SLC22A9: variants seen among roughly 807,000 people sequenced by gnomAD.
SLC22A9 encodes solute carrier family 22 member 9.
Under a neutral mutation model 50.1 loss-of-function variants are expected in SLC22A9, and 64 were observed. The observed-to-expected ratio is 1.28, with a 90% CI of 1.04 to 1.57. SLC22A9 has a LOEUF of 1.57. Ranked by LOEUF, SLC22A9 falls within the 40% of genes most tolerant of loss-of-function variation. The pLI is 0.00. For missense variants in SLC22A9, 757 were observed against 676.1 expected, an observed-to-expected ratio of 1.12 and a Z score of -1.33; for synonymous variants, 261 against 242.5, an observed-to-expected ratio of 1.08 and a Z score of -0.71.
intron 5 of SLC22A9, 81 bp downstream of exon 5, chr11:63,375,849 G>A: frequency 6.6e-7 from 1 of 1,522,684 alleles, no homozygotes; most frequent in African/African-American, 1.4e-5. Context: ...GTGTCCATAA[G>A]GTAAAAAAAG....
rs1565191921 is a variant in SLC22A9 at position 63,409,953 on chromosome 11, T to C, written c.*91T>C. On this transcript the variant is annotated 3_prime_UTR_variant, in exon 10 of 10. Transcript: ENST00000279178. ...ACACTAGCAAAATCTAGAAAATAAA[T>C]AACAAGGCTGGGTGCGGTGGCTCAC... 5 of 1,464,202 alleles carry C rather than the reference T, an allele frequency of 3.4e-6. No homozygotes were observed. Among genetic ancestry groups the C allele is most frequent in the African/African-American group, 2.8e-5 (2 of 71,190 alleles). The allele number at this position is 1,464,202 out of a possible 1,614,324, so 90.7% of individuals were successfully genotyped here. A position where few individuals can be genotyped will look rare whatever the true frequency, so the allele number is the denominator to read the frequency against.
At chr11:63,374,274 A>C (rs545296941) in intron 4 of SLC22A9, among the ~76,000 whole-genome samples, 1 of 152,270 alleles carries the variant, frequency 6.6e-6, no homozygotes, top group Admixed American at 6.5e-5. Context: ...AAGGTAACCA[A>C]CAAATATTTC....
chr11:63,406,512 G>C lies in SLC22A9; in HGVS notation c.1089G>C (p.Met363Ile), dbSNP rs760693645. Residue 363 changes from methionine to isoleucine, a missense_variant, in exon 7 of 10, where the codon ATG becomes ATC. Met to Ile is a conservative substitution (Grantham distance 10, BLOSUM62 1). Coordinates refer to ENST00000279178, the MANE Select transcript of SLC22A9 (RefSeq NM_080866.3). Reference sequence around the variant, plus strand: ...ATCATCACAGATTTGCAAACTTTATGGCCTATTTTGGCCTTAATCTCCATG... The same window carrying C: ...ATCATCACAGATTTGCAAACTTTATCGCCTATTTTGGCCTTAATCTCCATG... ...LLSFTRFANF[M>I]AYFGLNLHVQ... 1.9e-6 allele frequency: 3 copies of C among 1,613,302 alleles called. No homozygotes were observed. The East Asian group carries it at 6.7e-5, about 36-fold the overall frequency.
At chr11:63,376,947 G>A (rs1210673284) in intron 5 of SLC22A9, among the ~76,000 whole-genome samples, 3 of 151,890 alleles carry the variant, frequency 2.0e-5, no homozygotes, top group Non-Finnish European at 4.4e-5. Context: ...GATCAAAAAA[G>A]GCAAAAGGAG....
At chr11:63,399,283 C>T (rs1162040076) in intron 6 of SLC22A9, among the ~76,000 whole-genome samples, 1 of 152,070 alleles carries the variant, frequency 6.6e-6, no homozygotes, top group Non-Finnish European at 1.5e-5. Flanking sequence ...AAACAAGGCC[C>T]AACTCTAAGT....
At chr11:63,385,146 A>T (rs1182730616) in intron 6 of SLC22A9, among the ~76,000 whole-genome samples, 6 of 59,740 alleles carry the variant, frequency 1.0e-4, no homozygotes, top group South Asian at 4.9e-4. Context: ...GAAGCTCTTT[A>T]GTTTAATTAG....
chr11:63,385,114 T>TTTG (rs1555014161), intron 6 of SLC22A9, among the ~76,000 whole-genome samples: 4 of 139,490 alleles, frequency 2.9e-5, no homozygotes, highest in South Asian at 2.2e-4. Context: ...CAGTTTTTTT[T>TTTG]TTTTTTTTTT....
In SLC22A9 at chr11:63,373,957, G is replaced by A. The variant is rs1386117549; in HGVS notation, c.725G>A (p.Gly242Asp). The change falls in exon 4 of 10, where the codon GGT (glycine) becomes GAT (aspartate). Residue 242 changes from glycine (G) to aspartate (D), a missense_variant. Physicochemically the swap from Gly to Asp is moderately conservative, Grantham distance 94. Transcript: ENST00000279178. Reference sequence around the variant, plus strand: ...ATTACATTGGGAATGTGCCCTTCTGGTATTGCATTTATGACCCTGGCAGGC... The same window carrying A: ...ATTACATTGGGAATGTGCCCTTCTGATATTGCATTTATGACCCTGGCAGGC... ...MGITLGMCPSGIAFMTLAGLA... is the reference protein window; with the variant it reads ...MGITLGMCPSDIAFMTLAGLA... 6.2e-7 allele frequency: 1 copy of A among 1,613,468 alleles called. No homozygotes were observed. Among genetic ancestry groups the A allele is most frequent in the Non-Finnish European group, 8.5e-7 (1 of 1,179,754 alleles).
chr11:63,370,499 G>A, intron 1 of SLC22A9, 41 bp downstream of exon 1: 1 of 1,521,088 alleles, frequency 6.6e-7, no homozygotes, highest in Non-Finnish European at 8.8e-7. Context: ...TGTGACCTGG[G>A]TGTTTAGAAT....
At chr11:63,376,754 CAA>C (rs1172015586) in intron 5 of SLC22A9, among the ~76,000 whole-genome samples, 1 of 150,746 alleles carries the variant, frequency 6.6e-6, no homozygotes, top group Non-Finnish European at 1.5e-5. Context: ...CACAGAGTGA[CAA>C]GTTGGATTAA....
chr11:63,391,261 C>T (rs779757907), intron 6 of SLC22A9, among the ~76,000 whole-genome samples: 3 of 151,848 alleles, frequency 2.0e-5, no homozygotes, highest in Admixed American at 6.6e-5. Context: ...TTAAGAAATA[C>T]CCATGAGCTG....
intron 5 of SLC22A9, among the ~76,000 whole-genome samples, chr11:63,376,804 G>C (rs2014468262): frequency 6.6e-6 from 1 of 151,046 alleles, no homozygotes; most frequent in Non-Finnish European, 1.5e-5. Context: ...GACTTCCAGA[G>C]ACACTCACAT....
intron 1 of SLC22A9, 21 bp from the exon 2 acceptor site, chr11:63,371,114 G>T: frequency 6.4e-7 from 1 of 1,572,504 alleles, no homozygotes; most frequent in Non-Finnish European, 8.7e-7. Context: ...GCATTGATGT[G>T]CTGGCTTCCT....
intron 6 of SLC22A9, among the ~76,000 whole-genome samples, chr11:63,403,567 T>C (rs1004166951): frequency 1.3e-5 from 2 of 152,074 alleles, no homozygotes; most frequent in African/African-American, 4.8e-5. Flanking sequence ...AAAAGTCCAG[T>C]ATTAATATTA....
chr11:63,408,960 C>G, intron 9 of SLC22A9, 81 bp downstream of exon 9: 1 of 1,415,230 alleles, frequency 7.1e-7, no homozygotes, highest in African/African-American at 1.4e-5. Flanking sequence ...CCATTTAGGG[C>G]CACTGTCCTC....
intron 6 of SLC22A9, among the ~76,000 whole-genome samples, chr11:63,391,576 C>G (rs2014764801): frequency 6.6e-6 from 1 of 151,982 alleles, no homozygotes; most frequent in Non-Finnish European, 1.5e-5. Context: ...TTCTTTGTCT[C>G]TTTTTAGACT....
rs2015123642 is a variant in SLC22A9, at chr11:63,410,286, G to GAAAGAAAGAAAGAA, written c.*427_*428insGAAAGAAAGAAAAA. ...GAAAGAAGGAAAGAAAGAAAGAAAA[G>GAAAGAAAGAAAGAA]AAAAGAAATAACAAGATATAGTGAG... On this transcript the variant is annotated 3_prime_UTR_variant, in exon 10 of 10. Transcript: ENST00000279178. 1 of 90,038 alleles carries GAAAGAAAGAAAGAA rather than the reference G, an allele frequency of 1.1e-5. No individual in the cohort carries two copies. The highest frequency in any genetic ancestry group is 2.1e-5 in the Non-Finnish European group (1 of 48,254). The allele number at this position is 90,038 out of a possible 1,614,324, so 5.6% of individuals were successfully genotyped here.
At chr11:63,373,108 T>C (rs1233449512) in intron 2 of SLC22A9, among the ~76,000 whole-genome samples, 1 of 148,326 alleles carries the variant, frequency 6.7e-6, no homozygotes, top group African/African-American at 2.5e-5. Context: ...CTAAATTCCC[T>C]TTTTCTTTTT....
chr11:63,381,544 A>T (rs1038631024), intron 5 of SLC22A9, among the ~76,000 whole-genome samples: 2 of 152,022 alleles, frequency 1.3e-5, no homozygotes, highest in Non-Finnish European at 2.9e-5. Context: ...ATTCTCCCAC[A>T]CTCACCAATC....
Sources: gnomAD v4.1 joint callset for allele counts (sites outside exome capture counted in the v4.1 genomes callset) on GRCh38, gnomAD v4.1.1 for gene constraint, MANE v1.5 for transcripts, NCBI Gene and HGNC (gene_info 2026-07-23, HGNC 2026-07-21) for gene names.